Variants in ITGA8 observed in about 807,000 individuals in gnomAD.
ITGA8 encodes integrin alpha-8.
ITGA8 carries 91 observed loss-of-function variants against 142.3 expected under a neutral mutation model. That is an observed-to-expected ratio of 0.64 (90% CI 0.54 to 0.76). The LOEUF is 0.76. Among genes scored for constraint, ITGA8 ranks in the 30% least tolerant of loss-of-function variants. The pLI, the probability that ITGA8 is intolerant of heterozygous loss-of-function variation, is 0.00. For synonymous variants in ITGA8, 505 were observed against 485.2 expected (o/e 1.04, Z -0.54); for missense variants, 1,406 against 1,327.7 (o/e 1.06, Z -0.92).
At chr10:15,593,716 C>T (rs1442291439) in intron 21 of ITGA8, among the ~76,000 whole-genome samples, 2 of 152,150 alleles carry the variant, frequency 1.3e-5, no homozygotes, top group Non-Finnish European at 2.9e-5. Context: ...TTACATTTGT[C>T]ATATCATTCA....
At chr10:15,590,503 A>G (rs570756420) in intron 22 of ITGA8, among the ~76,000 whole-genome samples, 15 of 152,348 alleles carry the variant, frequency 9.8e-5, no homozygotes, top group African/African-American at 2.6e-4. Context: ...TGAGAGATGT[A>G]TCTTTCCACA....
At chr10:15,565,551 ATCT>A (rs1359511181) in intron 25 of ITGA8, among the ~76,000 whole-genome samples, 1 of 132,248 alleles carries the variant, frequency 7.6e-6, no homozygotes, top group East Asian at 2.2e-4. Context: ...ATACTAAATA[ATCT>A]TCTTCCTTTC....
chr10:15,539,821 G>T (rs1833532071), intron 27 of ITGA8, among the ~76,000 whole-genome samples: 2 of 152,088 alleles, frequency 1.3e-5, no homozygotes. Flanking sequence ...ATTTGGCTGT[G>T]TCCCCACCCA....
intron 2 of ITGA8, among the ~76,000 whole-genome samples, chr10:15,711,946 A>T (rs910602039): frequency 1.3e-5 from 2 of 152,174 alleles, no homozygotes; most frequent in African/African-American, 4.8e-5. Context: ...AGTGACATTC[A>T]TCTAAGAGTT....
intron 3 of ITGA8, among the ~76,000 whole-genome samples, chr10:15,685,608 T>G (rs1351422447): frequency 1.3e-5 from 2 of 152,236 alleles, no homozygotes; most frequent in African/African-American, 4.8e-5. Context: ...ATTTGTCATA[T>G]CAGAAACTGA....
intron 13 of ITGA8, among the ~76,000 whole-genome samples, chr10:15,629,836 G>A (rs1395766193): frequency 6.6e-6 from 1 of 152,034 alleles, no homozygotes; most frequent in East Asian, 1.9e-4. Flanking sequence ...CTGAGGAAGA[G>A]AGAATCTCTT....
intron 2 of ITGA8, among the ~76,000 whole-genome samples, chr10:15,709,064 A>G (rs988399456): frequency 3.3e-5 from 5 of 152,230 alleles, no homozygotes; most frequent in African/African-American, 1.2e-4. Context: ...CAAAGGCCCC[A>G]TCCTATGAAT....
intron 21 of ITGA8, among the ~76,000 whole-genome samples, chr10:15,593,036 A>G (rs1832952402): frequency 6.6e-6 from 1 of 152,238 alleles, no homozygotes; most frequent in Non-Finnish European, 1.5e-5. Flanking sequence ...TACAATGTTT[A>G]TGTGCAATGC....
intron 21 of ITGA8, 67 bp from the exon 22 acceptor site, chr10:15,592,371 T>G (rs1053852241): frequency 1.6e-6 from 2 of 1,228,828 alleles, no homozygotes; most frequent in African/African-American, 1.5e-5. Flanking sequence ...TGTAAGTCAT[T>G]CCTGCAAAAC....
intron 6 of ITGA8, among the ~76,000 whole-genome samples, chr10:15,674,812 C>G (rs957243335): frequency 6.6e-6 from 1 of 151,884 alleles, no homozygotes; most frequent in African/African-American, 2.4e-5. Flanking sequence ...TGGTGGCATG[C>G]AACTTTAGTC....
intron 25 of ITGA8, among the ~76,000 whole-genome samples, chr10:15,563,416 G>A (rs532921718): frequency 6.6e-6 from 1 of 151,814 alleles, no homozygotes; most frequent in East Asian, 1.9e-4. Flanking sequence ...CTATGTGGGT[G>A]TACATGTAGA....
intron 26 of ITGA8, among the ~76,000 whole-genome samples, chr10:15,550,073 C>T (rs894284189): frequency 1.3e-5 from 2 of 152,092 alleles, no homozygotes; most frequent in African/African-American, 2.4e-5. Context: ...ATCATGGGGA[C>T]GGTTTCCCAC....
chr10:15,662,371 T>C (rs527396257), intron 8 of ITGA8, among the ~76,000 whole-genome samples: 36 of 147,606 alleles, frequency 2.4e-4, no homozygotes, highest in Middle Eastern at 6.9e-3. Context: ...GGTCTTATTC[T>C]GTTGCCCAGC....
At chr10:15,665,630 T>C (rs1431547432) in intron 8 of ITGA8, among the ~76,000 whole-genome samples, 8 of 152,234 alleles carry the variant, frequency 5.3e-5, no homozygotes, top group Non-Finnish European at 1.2e-4. Flanking sequence ...GGTTTTCTTC[T>C]AGGGTTTTTA....
chr10:15,700,752 G>A (rs1012286384), intron 2 of ITGA8, among the ~76,000 whole-genome samples: 3 of 152,042 alleles, frequency 2.0e-5, no homozygotes, highest in Non-Finnish European at 4.4e-5. Context: ...CAAAAAGTGG[G>A]CTGAGGACAT....
chr10:15,626,723 C>G (rs939134335), intron 13 of ITGA8, among the ~76,000 whole-genome samples: 1 of 151,942 alleles, frequency 6.6e-6, no homozygotes, highest in African/African-American at 2.4e-5. Context: ...GACCAGTGTC[C>G]TTATAAGAAG....
chr10:15,536,569 AT>A (rs1052348003), intron 27 of ITGA8, among the ~76,000 whole-genome samples: 2 of 152,194 alleles, frequency 1.3e-5, no homozygotes, highest in African/African-American at 4.8e-5. Flanking sequence ...CCTCTCTCCC[AT>A]ATAGCAATCT....
intron 8 of ITGA8, among the ~76,000 whole-genome samples, chr10:15,664,601 G>T (rs1834350795): frequency 6.6e-6 from 1 of 151,204 alleles, no homozygotes; most frequent in Non-Finnish European, 1.5e-5. Flanking sequence ...GTGCCATGTT[G>T]GTGTGCTGCA....
intron 20 of ITGA8, among the ~76,000 whole-genome samples, chr10:15,598,552 G>A (rs1833046466): frequency 6.6e-6 from 1 of 152,180 alleles, no homozygotes; most frequent in South Asian, 2.1e-4. Context: ...CTTCAAGAAG[G>A]CAGAGGTTTT....
Sources: allele counts gnomAD v4.1 joint callset (sites outside exome capture counted in the v4.1 genomes callset), GRCh38; gene constraint gnomAD v4.1.1; transcripts MANE v1.5; gene names NCBI Gene and HGNC (gene_info 2026-07-23, HGNC 2026-07-21).